CERS6: variants seen among roughly 807,000 people sequenced by gnomAD.
CERS6 encodes the protein LAG1 homolog, ceramide synthase 6.
CERS6 carries 26 observed loss-of-function variants against 56.8 expected under a neutral mutation model. The ratio of observed to expected loss-of-function variants is 0.46; its 90% CI spans 0.34 to 0.63. The LOEUF is 0.63. CERS6 is among the 30% of genes least tolerant of loss of function. The pLI is 0.01. For synonymous variants in CERS6, 164 were observed against 173.3 expected, an observed-to-expected ratio of 0.95 and a Z score of 0.42; for missense variants, 415 against 467.5, an observed-to-expected ratio of 0.89 and a Z score of 1.04.
intron 3 of CERS6, among the ~76,000 whole-genome samples, chr2:168,611,280 C>T (rs530092848): frequency 1.4e-4 from 21 of 152,228 alleles, no homozygotes; most frequent in Non-Finnish European, 2.8e-4. Context: ...TTGAAATAGC[C>T]ACATTCCCCA....
chr2:168,656,982 T>G (rs1216812825), intron 4 of CERS6, among the ~76,000 whole-genome samples: 1 of 152,182 alleles, frequency 6.6e-6, no homozygotes, highest in Non-Finnish European at 1.5e-5. Context: ...GAGTGTCGAT[T>G]GGTGCAGTCA....
rs549591866 is a variant in CERS6, at chr2:168,715,362, G to A, written c.738+233G>A. ...TAATAAAATGCTGAAAACCTTTACT[G>A]TTCTATACTTAAGAAATGAATGATT... On this transcript the variant is annotated intron_variant, in intron 7 of 9. Coordinates refer to ENST00000305747, the MANE Select transcript of CERS6 (RefSeq NM_203463.3). Among the ~76,000 whole-genome samples, 129 of 152,162 alleles carry A rather than the reference G, an allele frequency of 8.5e-4. 3 individuals carry two copies. The South Asian group carries it at 0.027, about 31-fold the overall frequency.
chr2:168,597,001 G>A (rs1317632250), intron 3 of CERS6, among the ~76,000 whole-genome samples: 3 of 152,096 alleles, frequency 2.0e-5, no homozygotes, highest in African/African-American at 4.8e-5. Context: ...TGTTCATGGC[G>A]TCTTTCCTGC....
intron 8 of CERS6, among the ~76,000 whole-genome samples, chr2:168,732,660 A>C (rs979820430): frequency 6.6e-6 from 1 of 152,192 alleles, no homozygotes; most frequent in Non-Finnish European, 1.5e-5. Flanking sequence ...TCTTTCAGGC[A>C]TAGTATGTAG....
At position 168,456,400 on chromosome 2, in the gene CERS6, A is replaced by C; in HGVS notation, c.-49A>C. 1 of 1,497,242 alleles carries C rather than the reference A, an allele frequency of 6.7e-7. No individual in the cohort carries two copies. The highest frequency in any genetic ancestry group is 9.0e-7 in the Non-Finnish European group (1 of 1,110,984). The allele number at this position is 1,497,242 out of a possible 1,614,324, so 92.7% of individuals were successfully genotyped here. Reference sequence around the variant, plus strand: ...CATCCCCGGGCGCCCTGCGCGGTGGAGAGCTTGGCGGGCTGCGGGTGCCGC... The same window carrying C: ...CATCCCCGGGCGCCCTGCGCGGTGGCGAGCTTGGCGGGCTGCGGGTGCCGC... On this transcript the variant is annotated 5_prime_UTR_variant, in exon 1 of 10. Transcript: ENST00000305747. This position sits in a 1 kb window ranked among gnomAD's most constrained non-coding sequence, Gnocchi z 4.1.
chr2:168,622,842 G>C (rs139625126), intron 3 of CERS6, among the ~76,000 whole-genome samples: 85 of 152,330 alleles, frequency 5.6e-4, no homozygotes, highest in Non-Finnish European at 1.0e-3. Context: ...TAACGGATGA[G>C]TAACATCTTT....
chr2:168,704,846 C>T (rs549422661), intron 6 of CERS6, among the ~76,000 whole-genome samples: 2 of 152,216 alleles, frequency 1.3e-5, no homozygotes, highest in Admixed American at 6.5e-5. Context: ...GATCTGCCTG[C>T]CTCGGCCTCC....
chr2:168,665,956 G>C (rs1685748719), intron 4 of CERS6, among the ~76,000 whole-genome samples: 5 of 61,092 alleles, frequency 8.2e-5, no homozygotes, highest in Non-Finnish European at 1.5e-4. Flanking sequence ...AGTAGACTGT[G>C]TGTGTGTGTG....
intron 8 of CERS6, among the ~76,000 whole-genome samples, chr2:168,744,393 C>G (rs1684035946): frequency 6.6e-6 from 1 of 151,822 alleles, no homozygotes; most frequent in Admixed American, 6.6e-5. Context: ...AGGCTATCAG[C>G]TGCTACGAAC....
intron 8 of CERS6, among the ~76,000 whole-genome samples, chr2:168,738,016 T>G (rs1379312028): frequency 6.6e-6 from 1 of 152,132 alleles, no homozygotes; most frequent in Non-Finnish European, 1.5e-5. Flanking sequence ...TGACCATGAG[T>G]TGATTATTAT....
chr2:168,744,209 G>A lies in CERS6; in HGVS notation c.846-21383G>A, dbSNP rs550196374. ...TTTAGTAGAGACGGGGTTTCACCGT[G>A]TTAGCCAGGATGGTCTCTATCTCCT... On this transcript the variant is annotated intron_variant, in intron 8 of 9. Coordinates refer to ENST00000305747, the MANE Select transcript of CERS6 (RefSeq NM_203463.3). 7.5e-3 allele frequency among the ~76,000 whole-genome samples: 1,132 copies of A among 151,912 alleles called. 6 individuals are homozygous for A. Among genetic ancestry groups the A allele is most frequent in the Middle Eastern group, 0.024 (7 of 294 alleles).
chr2:168,769,091 A>G lies in CERS6; in HGVS notation c.1003-419A>G, dbSNP rs545116205. ...GTGTTCTGAGTTAGTGACTATCTCC[A>G]TTGCTATGGTTAATTGAGAGCTGAT... On this transcript the variant is annotated intron_variant, in intron 9 of 9. Coordinates refer to ENST00000305747, the MANE Select transcript of CERS6 (RefSeq NM_203463.3). Among the ~76,000 whole-genome samples the G allele has an allele frequency of 8.6e-4, 131 of 152,086 alleles. 1 individual carries two copies. The highest frequency in any genetic ancestry group is 6.8e-3 in the Middle Eastern group (2 of 294).
At position 168,644,892 on chromosome 2, in the gene CERS6, G is replaced by C. The variant is rs925063106; in HGVS notation, c.465+13850G>C. On this transcript the variant is annotated intron_variant, in intron 4 of 9. Coordinates refer to ENST00000305747, the MANE Select transcript of CERS6 (RefSeq NM_203463.3). ...GCAGATCACGAGGTCAGGAGTTTGAGACCAGCCTGACCAACATGGGGAAAC... is the reference window on the plus strand; with the variant it reads ...GCAGATCACGAGGTCAGGAGTTTGACACCAGCCTGACCAACATGGGGAAAC... 7.9e-5 allele frequency among the ~76,000 whole-genome samples: 12 copies of C among 151,472 alleles called. 1 individual carries two copies. Among genetic ancestry groups the C allele is most frequent in the Middle Eastern group, 6.8e-3 (2 of 294 alleles).
At chr2:168,735,667 G>A (rs1683692343) in intron 8 of CERS6, among the ~76,000 whole-genome samples, 1 of 151,792 alleles carries the variant, frequency 6.6e-6, no homozygotes, top group Admixed American at 6.6e-5. Flanking sequence ...CTTGAGCTCA[G>A]GAGTTCAAGA....
intron 8 of CERS6, among the ~76,000 whole-genome samples, chr2:168,726,203 C>T (rs1318329439): frequency 6.6e-6 from 1 of 152,192 alleles, no homozygotes; most frequent in Non-Finnish European, 1.5e-5. Context: ...GGTGCAATTT[C>T]TCCGTTAATA....
Position 168,464,170 on chromosome 2 carries a change from CTT to C in CERS6, c.170+7556_170+7557del, listed in dbSNP as rs200228535. Among the ~76,000 whole-genome samples the C allele has an allele frequency of 3.6e-4, 27 of 75,488 alleles. 1 individual carries two copies. The highest frequency in any genetic ancestry group is 0.012 in the Middle Eastern group (2 of 166). 49.5% of individuals were successfully genotyped at this position (75,488 alleles called of 152,430 possible). On this transcript the variant is annotated intron_variant, in intron 1 of 9. Transcript: ENST00000305747. The stretch of plus-strand genomic sequence containing the variant: ...CTTTTTCTCTGGTCACATATTTATA[CTT>C]TTTGTGTGTGTGTGTGTGTGTGTGT...
chr2:168,658,869 G>A (rs1474677129), intron 4 of CERS6, among the ~76,000 whole-genome samples: 1 of 152,016 alleles, frequency 6.6e-6, no homozygotes, highest in East Asian at 1.9e-4. Context: ...TACATTAGAC[G>A]GGCCCCCTCA....
Position 168,772,304 on chromosome 2 carries a change from T to A in CERS6, c.*2642T>A, listed in dbSNP as rs1196364107. ...AAAGGATTCCAGAAGAAGTAATACTTTATTCTCTAATGTTAATAGCTTTTC... is the reference window on the plus strand; with the variant it reads ...AAAGGATTCCAGAAGAAGTAATACTATATTCTCTAATGTTAATAGCTTTTC... On this transcript the variant is annotated 3_prime_UTR_variant, in exon 10 of 10. Transcript: ENST00000305747. The A allele has an allele frequency of 6.6e-6, 1 of 152,618 alleles. No individual in the cohort carries two copies. The highest frequency in any genetic ancestry group is 1.5e-5 in the Non-Finnish European group (1 of 68,042). 9.5% of individuals were successfully genotyped at this position (152,618 alleles called of 1,614,324 possible).
intron 3 of CERS6, among the ~76,000 whole-genome samples, chr2:168,594,054 C>T (rs997383222): frequency 3.9e-5 from 6 of 152,132 alleles, no homozygotes; most frequent in Non-Finnish European, 7.4e-5. Flanking sequence ...TATTTTAGAT[C>T]CTGTATCTTT....
Sources: allele counts gnomAD v4.1 joint callset (sites outside exome capture counted in the v4.1 genomes callset), GRCh38; gene constraint gnomAD v4.1.1; non-coding constraint Gnocchi (gnomAD v3.1); transcripts MANE v1.5; gene names NCBI Gene and HGNC (gene_info 2026-07-23, HGNC 2026-07-21).